ERBB3: variants seen among roughly 807,000 people sequenced by gnomAD.
ERBB3 encodes the protein erb-b2 receptor tyrosine kinase 3.
Under a neutral mutation model 156.7 loss-of-function variants are expected in ERBB3, and 96 were observed. That is an observed-to-expected ratio of 0.61 (90% CI 0.52 to 0.73). The LOEUF (loss-of-function observed/expected upper bound fraction) is 0.73. ERBB3 is among the 30% of genes least tolerant of loss of function. The pLI is 0.00. For missense variants in ERBB3, 1,406 were observed against 1,709.4 expected, an observed-to-expected ratio of 0.82 and a Z score of 3.13; for synonymous variants, 567 against 632.0, an observed-to-expected ratio of 0.90 and a Z score of 1.54.
intron 21 of ERBB3, 87 bp downstream of exon 21, chr12:56,098,027 G>A (rs1325846726): frequency 1.5e-6 from 2 of 1,342,646 alleles, no homozygotes; most frequent in African/African-American, 2.9e-5. Context: ...GAGGCAAGCA[G>A]ATGCTTCATG....
intron 9 of ERBB3, among the ~76,000 whole-genome samples, chr12:56,091,670 T>C (rs1868717385): frequency 1.3e-5 from 2 of 151,932 alleles, no homozygotes; most frequent in African/African-American, 4.8e-5. Flanking sequence ...GGCTGTGAGC[T>C]CAGGGCATCC....
Position 56,102,095 on chromosome 12 carries a change from G to C in ERBB3, c.*40G>C. The C allele has an allele frequency of 6.4e-7, 1 of 1,567,354 alleles. No homozygotes were observed. Among genetic ancestry groups the C allele is most frequent in the Non-Finnish European group, 8.7e-7 (1 of 1,149,100 alleles). On this transcript the variant is annotated 3_prime_UTR_variant, in exon 28 of 28. Coordinates refer to ENST00000267101, the MANE Select transcript of ERBB3 (RefSeq NM_001982.4). ...GGCACTCAGGGAGCATTTAATGGCAGCTAGTGCCTTTAGAGGGTACCGTCT... is the reference window on the plus strand; with the variant it reads ...GGCACTCAGGGAGCATTTAATGGCACCTAGTGCCTTTAGAGGGTACCGTCT...
chr12:56,098,964 T>C, intron 23 of ERBB3, 59 bp downstream of exon 23: 1 of 1,527,004 alleles, frequency 6.5e-7, no homozygotes, highest in Non-Finnish European at 8.8e-7. Flanking sequence ...TCTTTTTTTT[T>C]TTTTTTTGAG....
chr12:56,101,920 T>G lies in ERBB3; in HGVS notation c.3894T>G (p.Pro1298=). 6.2e-7 allele frequency: 1 copy of G among 1,613,378 alleles called. No individual in the cohort carries two copies. Among genetic ancestry groups the G allele is most frequent in the African/African-American group, 1.3e-5 (1 of 74,830 alleles). ...AAGAGATGAGAGCTTTTCAGGGGCCTGGACATCAGGCCCCCCATGTCCATT... is the reference window on the plus strand; with the variant it reads ...AAGAGATGAGAGCTTTTCAGGGGCCGGGACATCAGGCCCCCCATGTCCATT... ...GYEEMRAFQG[P]GHQAPHVHYA... is the part of the protein sequence containing the mutation. Residue 1298 remains proline (P), a synonymous_variant, in exon 28 of 28, where the codon CCT becomes CCG. Transcript: ENST00000267101.
chr12:56,093,712 G>A (rs1868794519), intron 12 of ERBB3, 52 bp from the exon 13 acceptor site: 1 of 1,611,506 alleles, frequency 6.2e-7, no homozygotes, highest in Non-Finnish European at 8.5e-7. Context: ...ATGAAGAGAG[G>A]GCTTGCTGGG....
intron 9 of ERBB3, among the ~76,000 whole-genome samples, chr12:56,091,308 T>A (rs10876873): frequency 1.2e-5 from 1 of 84,450 alleles, no homozygotes; most frequent in African/African-American, 4.5e-5. Context: ...ATAATATATA[T>A]AAATATAAAT....
At chr12:56,085,562 T>C in intron 3 of ERBB3, 3 of 559,028 alleles carry the variant, frequency 5.4e-6, no homozygotes, top group East Asian at 3.6e-5. Flanking sequence ...CTGGCCAACA[T>C]GGCGAAACCC....
In ERBB3 at chr12:56,093,132, G is replaced by A. The variant is rs557851175; in HGVS notation, c.1274+56G>A. 15 of 1,376,180 alleles carry A rather than the reference G, an allele frequency of 1.1e-5. No individual in the cohort carries two copies. The Admixed American group carries it at 1.9e-4, about 17-fold the overall frequency. The allele number at this position is 1,376,180 out of a possible 1,614,324, so 85.2% of individuals were successfully genotyped here. A position where few individuals can be genotyped will look rare whatever the true frequency, so the allele number is the denominator to read the frequency against. On this transcript the variant is annotated intron_variant, in intron 11 of 27. Transcript: ENST00000267101. ...TTCAGGCAATGAAGCCTGTGTCATAGGCATTCTTTAGTAAAATACAAGGCA... is the reference window on the plus strand; with the variant it reads ...TTCAGGCAATGAAGCCTGTGTCATAAGCATTCTTTAGTAAAATACAAGGCA...
chr12:56,086,939 C>T (rs1868505676), intron 4 of ERBB3, among the ~76,000 whole-genome samples: 1 of 151,850 alleles, frequency 6.6e-6, no homozygotes, highest in Admixed American at 6.6e-5. Context: ...CCCAGGAGTC[C>T]AAGACCAGCC....
At chr12:56,090,516 C>T (rs1350924483) in intron 9 of ERBB3, among the ~76,000 whole-genome samples, 7 of 151,944 alleles carry the variant, frequency 4.6e-5, no homozygotes, top group Admixed American at 2.6e-4. Flanking sequence ...TGGTGGTGTG[C>T]GCCTGTAGTC....
intron 21 of ERBB3, 168 bp downstream of exon 21, chr12:56,098,108 CAAGAACT>C: frequency 2.8e-6 from 2 of 706,536 alleles, no homozygotes; most frequent in Non-Finnish European, 4.6e-6. Flanking sequence ...AAATAATGAT[CAAGAACT>C]TGGGACTGGC....
Position 56,098,015 on chromosome 12 carries a change from C to G in ERBB3, c.2616+75C>G, listed in dbSNP as rs879058993. 5.6e-6 allele frequency: 8 copies of G among 1,432,326 alleles called. No individual in the cohort carries two copies. In the South Asian group the frequency reaches 9.4e-5, roughly 17 times the overall value. The allele number at this position is 1,432,326 out of a possible 1,614,324, so 88.7% of individuals were successfully genotyped here. Reference sequence around the variant, plus strand: ...ATAGGGAGCAGCCAGTGGTCTCTTCCAGAGGCAAGCAGATGCTTCATGGTA... The same window carrying G: ...ATAGGGAGCAGCCAGTGGTCTCTTCGAGAGGCAAGCAGATGCTTCATGGTA... On this transcript the variant is annotated intron_variant, in intron 21 of 27. Transcript: ENST00000267101.
At chr12:56,085,214 C>T (rs1295617108) in intron 3 of ERBB3, 33 bp downstream of exon 3, 1 of 1,614,112 alleles carries the variant, frequency 6.2e-7, no homozygotes, top group Non-Finnish European at 8.5e-7. Context: ...TGGCCTCACC[C>T]CTCAGCCAGC....
rs1430444273 is a variant in ERBB3, at chr12:56,102,411, C to T, written c.*356C>T. 3.4e-6 allele frequency: 1 copy of T among 292,268 alleles called. No homozygotes were observed. The highest frequency in any genetic ancestry group is 6.5e-6 in the Non-Finnish European group (1 of 154,320). 18.1% of individuals were successfully genotyped at this position (292,268 alleles called of 1,614,324 possible). ...ACTTGGAACTAGGCTCTTATGTGTG[C>T]CTTTGTTTCCCATCAGACTGTCAAG... On this transcript the variant is annotated 3_prime_UTR_variant, in exon 28 of 28. Transcript: ENST00000267101.
At chr12:56,092,608 C>A in intron 9 of ERBB3, 139 bp from the exon 10 acceptor site, 3 of 718,594 alleles carry the variant, frequency 4.2e-6, no homozygotes, top group Non-Finnish European at 5.1e-6. Flanking sequence ...TTATATTTCC[C>A]CCATCCCAGC....
In ERBB3 at chr12:56,087,557, T is replaced by G. The variant is rs1868525954; in HGVS notation, c.548-20T>G. The G allele has an allele frequency of 6.2e-7, 1 of 1,611,808 alleles. No homozygotes were observed. Among genetic ancestry groups the G allele is most frequent in the African/African-American group, 1.3e-5 (1 of 74,894 alleles). Reference sequence around the variant, plus strand: ...TTCTTAGCCCTGATGGCCCCTTGTGTTGCCTTCCTTCCCAACCAGGTCCCC... The same window carrying G: ...TTCTTAGCCCTGATGGCCCCTTGTGGTGCCTTCCTTCCCAACCAGGTCCCC... On this transcript the variant is annotated intron_variant, in intron 4 of 27. Transcript: ENST00000267101.
At position 56,094,492 on chromosome 12, in the gene ERBB3, C is replaced by T; in HGVS notation, c.1795C>T (p.Pro599Ser). 1 of 1,614,078 alleles carries T rather than the reference C, an allele frequency of 6.2e-7. No homozygotes were observed. Among genetic ancestry groups the T allele is most frequent in the Non-Finnish European group, 8.5e-7 (1 of 1,180,012 alleles). Residue 599 changes from proline (P) to serine (S), a missense_variant, in exon 15 of 28, where the codon CCA (proline) becomes TCA (serine). Transcript: ENST00000267101. ...CCATGGAGTCCTAGGTGCCAAGGGC[C>T]CAATCTACAAGTACCCAGATGTTCA... is the stretch of plus-strand genomic sequence containing the variant. ...CPHGVLGAKGPIYKYPDVQNE... is the reference protein window; with the variant it reads ...CPHGVLGAKGSIYKYPDVQNE...
chr12:56,085,516 G>C (rs879681197), intron 3 of ERBB3: 1 of 1,152,056 alleles, frequency 8.7e-7, no homozygotes, highest in Non-Finnish European at 1.1e-6. Context: ...AGGCCAAGGA[G>C]GGCAGATCAC....
Position 56,093,503 on chromosome 12 carries a change from C to A in ERBB3, c.1433C>A (p.Thr478Lys), listed in dbSNP as rs1010091317. 6.2e-7 allele frequency: 1 copy of A among 1,613,644 alleles called. No individual in the cohort carries two copies. The highest frequency in any genetic ancestry group is 2.2e-5 in the East Asian group (1 of 44,852). The change falls in exon 12 of 28, where the codon ACG (threonine) becomes AAG (lysine). Residue 478 changes from threonine (T) to lysine (K), a missense_variant. By Grantham distance (78) the Thr-to-Lys change is moderately conservative. This residue lies in a region of ERBB3 where 979 missense variants were observed against 1,219.6 expected (regional missense o/e 0.80). Transcript: ENST00000267101. ...LNWTKVLRGP[T>K]EERLDIKHNR... ...TGGACCAAGGTGCTTCGGGGGCCTA[C>A]GGAAGAGCGACTAGACATCAAGCAT... is the stretch of plus-strand genomic sequence containing the variant.
Sources: gnomAD v4.1 joint callset for allele counts (sites outside exome capture counted in the v4.1 genomes callset) on GRCh38, gnomAD v4.1.1 for gene constraint, gnomAD v4.1.1 regional missense constraint, MANE v1.5 for transcripts, NCBI Gene and HGNC (gene_info 2026-07-23, HGNC 2026-07-21) for gene names.